Variants in MDGA2 observed in about 807,000 individuals in gnomAD.
The protein encoded by MDGA2 is MAM domain containing glycosylphosphatidylinositol anchor 2, also known as MAM domain-containing glycosylphosphatidylinositol anchor protein 2.
In MDGA2, 40 loss-of-function variants were observed where a neutral mutation model predicts 117.8. That is an observed-to-expected ratio of 0.34 (90% confidence interval 0.26 to 0.44). MDGA2 has a LOEUF of 0.44. Ranked by LOEUF, MDGA2 falls within the 20% of genes least tolerant of loss-of-function variation. The probability of loss-of-function intolerance (pLI) is 1.00; values close to 1 mark genes in which losing one functional copy is unlikely to be tolerated. For synonymous variants in MDGA2, 452 were observed against 439.0 expected, an observed-to-expected ratio of 1.03 and a Z score of -0.37; for missense variants, 1,123 against 1,250.6, an observed-to-expected ratio of 0.90 and a Z score of 1.54.
At chr14:47,006,044 G>T (rs921135257) in intron 8 of MDGA2, among the ~76,000 whole-genome samples, 4 of 151,478 alleles carry the variant, frequency 2.6e-5, no homozygotes, top group South Asian at 2.1e-4. Context: ...CCTATGTTGT[G>T]GTCATCAGTA....
intron 6 of MDGA2, 44 bp from the exon 7 acceptor site, chr14:47,061,622 A>T (rs1308155977): frequency 6.8e-7 from 1 of 1,481,032 alleles, no homozygotes; most frequent in African/African-American, 1.4e-5. Flanking sequence ...TACTTTCATA[A>T]CTTTAAGGAT....
intron 1 of MDGA2, among the ~76,000 whole-genome samples, chr14:47,550,210 A>G (rs1895554566): frequency 6.6e-6 from 1 of 152,124 alleles, no homozygotes; most frequent in Non-Finnish European, 1.5e-5. Context: ...AGGTTCATAT[A>G]CTCTAGTAAA....
chr14:47,611,530 T>C (rs912891570), intron 1 of MDGA2, among the ~76,000 whole-genome samples: 3 of 151,630 alleles, frequency 2.0e-5, no homozygotes, highest in African/African-American at 7.3e-5. Flanking sequence ...AACAATCCTA[T>C]CGAAAAGTTG....
In MDGA2 at chr14:47,133,861, A is replaced by G. The variant is rs182711346; in HGVS notation, c.793-2015T>C. ...TCAATCCCAATTATTCTTTGTATCT[A>G]TTTTTAATCATAATGCTCTAAACCC... On this transcript the variant is annotated intron_variant, in intron 4 of 16. Transcript: ENST00000399232. Among the ~76,000 whole-genome samples the G allele has an allele frequency of 5.9e-5, 9 of 152,052 alleles. No homozygotes were observed. The East Asian group carries it at 1.5e-3, about 26-fold the overall frequency.
chr14:47,292,670 C>T (rs186321448), intron 2 of MDGA2, among the ~76,000 whole-genome samples: 1 of 152,208 alleles, frequency 6.6e-6, no homozygotes, highest in Admixed American at 6.5e-5. Flanking sequence ...CTAGGTCTTT[C>T]TTTAAGAAAA....
rs538565529 is a variant in MDGA2, at chr14:47,501,198, A to T, written c.280+173319T>A. Reference sequence around the variant, plus strand: ...AGATGATAGTAGAATGGGTTACATGACTTCTTAAGAAATGATTCAGTCAAA... The same window carrying T: ...AGATGATAGTAGAATGGGTTACATGTCTTCTTAAGAAATGATTCAGTCAAA... On this transcript the variant is annotated intron_variant, in intron 1 of 16. Transcript: ENST00000399232. Among the ~76,000 whole-genome samples the T allele has an allele frequency of 1.3e-3, 192 of 152,268 alleles. 3 individuals are homozygous for T. The highest frequency in any genetic ancestry group is 3.4e-3 in the Middle Eastern group (1 of 294).
chr14:47,574,404 C>T (rs769194298), intron 1 of MDGA2, among the ~76,000 whole-genome samples: 2 of 152,330 alleles, frequency 1.3e-5, no homozygotes, highest in Non-Finnish European at 2.9e-5. Context: ...CTTTCATATG[C>T]TTTGTCCCTG....
chr14:47,082,000 A>G (rs1890725460), intron 6 of MDGA2, among the ~76,000 whole-genome samples: 1 of 152,140 alleles, frequency 6.6e-6, no homozygotes, highest in Admixed American at 6.5e-5. Context: ...ATAGATGTTT[A>G]AGGGAGTATC....
At chr14:47,047,118 A>G (rs530533196) in intron 7 of MDGA2, among the ~76,000 whole-genome samples, 1 of 151,858 alleles carries the variant, frequency 6.6e-6, no homozygotes, top group Non-Finnish European at 1.5e-5. Flanking sequence ...GTGAAAACAT[A>G]TATTTATATT....
At chr14:47,609,005 T>C (rs919873563) in intron 1 of MDGA2, among the ~76,000 whole-genome samples, 3 of 152,050 alleles carry the variant, frequency 2.0e-5, no homozygotes, top group Non-Finnish European at 2.9e-5. Context: ...AACAAAAGTC[T>C]AGAAGAGCAG....
chr14:46,957,640 G>C lies in MDGA2; in HGVS notation c.1823C>G (p.Pro608Arg), dbSNP rs752584344. 40 of 1,613,836 alleles carry C rather than the reference G, an allele frequency of 2.5e-5. No homozygotes were observed. The highest frequency in any genetic ancestry group is 3.4e-5 in the Non-Finnish European group (40 of 1,179,904). Residue 608 changes from proline (P) to arginine (R), a missense_variant, in exon 9 of 17, where the codon CCC becomes CGC. Physicochemically the swap from Pro to Arg is moderately radical, Grantham distance 103. Around this residue, in one of 2 missense-constraint regions of MDGA2, gnomAD observed 890 missense variants for 1,050.3 expected, o/e 0.85. Coordinates refer to ENST00000399232, the MANE Select transcript of MDGA2 (RefSeq NM_001113498.3). ...EALVQLIVQY[P>R]PAVEPAFLEI... ...CAAGAATGCTGGTTCCACTGCAGGG[G>C]GATCTGTAGAAAAGATATGTAAAAA...
At chr14:47,176,201 G>GT (rs1884437296) in intron 3 of MDGA2, among the ~76,000 whole-genome samples, 1 of 152,006 alleles carries the variant, frequency 6.6e-6, no homozygotes, top group African/African-American at 2.4e-5. Context: ...GGAAGAATCA[G>GT]TATCGTGAAA....
At chr14:47,641,860 T>C (rs1302528650) in intron 1 of MDGA2, among the ~76,000 whole-genome samples, 2 of 152,092 alleles carry the variant, frequency 1.3e-5, no homozygotes, top group Non-Finnish European at 2.9e-5. Flanking sequence ...CATTCATCAA[T>C]TGAACTCATT....
At chr14:47,662,444 G>A (rs1897868407) in intron 1 of MDGA2, among the ~76,000 whole-genome samples, 1 of 152,098 alleles carries the variant, frequency 6.6e-6, no homozygotes, top group Non-Finnish European at 1.5e-5. Context: ...CTCTGGAAGA[G>A]GGAAGGTGGT....
At chr14:47,040,589 C>G (rs1889028819) in intron 7 of MDGA2, among the ~76,000 whole-genome samples, 1 of 152,176 alleles carries the variant, frequency 6.6e-6, no homozygotes, top group African/African-American at 2.4e-5. Context: ...GTTTCACCAA[C>G]TAGTTAACCT....
chr14:47,341,214 G>C (rs1890612504), intron 1 of MDGA2, among the ~76,000 whole-genome samples: 1 of 152,178 alleles, frequency 6.6e-6, no homozygotes, highest in Non-Finnish European at 1.5e-5. Flanking sequence ...AGAAACAGTT[G>C]AATTTCACAT....
At chr14:47,307,737 G>A (rs1329546139) in intron 1 of MDGA2, among the ~76,000 whole-genome samples, 1 of 151,894 alleles carries the variant, frequency 6.6e-6, no homozygotes, top group African/African-American at 2.4e-5. Context: ...AGAAGAAGGT[G>A]GAGAATTCAG....
chr14:46,969,065 C>T (rs1247761810), intron 8 of MDGA2, among the ~76,000 whole-genome samples: 2 of 152,162 alleles, frequency 1.3e-5, no homozygotes, highest in African/African-American at 4.8e-5. Context: ...CATGTCCCTA[C>T]AAAGGACATG....
At chr14:47,154,145 CAGAG>C (rs1316271814) in intron 3 of MDGA2, among the ~76,000 whole-genome samples, 1 of 152,094 alleles carries the variant, frequency 6.6e-6, no homozygotes, top group East Asian at 1.9e-4. Context: ...TTTCATTAAG[CAGAG>C]AGAGTTTGTT....
Sources: allele counts gnomAD v4.1 joint callset (sites outside exome capture counted in the v4.1 genomes callset), GRCh38; gene constraint gnomAD v4.1.1; regional missense constraint gnomAD v4.1.1; transcripts MANE v1.5; gene names NCBI Gene and HGNC (gene_info 2026-07-23, HGNC 2026-07-21).